PTPRD: variants seen among roughly 807,000 people sequenced by gnomAD.
The protein encoded by PTPRD is protein tyrosine phosphatase receptor type D, also known as receptor-type tyrosine-protein phosphatase delta.
A neutral mutation model predicts 214.5 loss-of-function variants in PTPRD; 34 were observed. The ratio of observed to expected loss-of-function variants is 0.16; its 90% confidence interval spans 0.12 to 0.21. The LOEUF is 0.21. PTPRD is among the 10% of genes least tolerant of loss of function. The probability of loss-of-function intolerance (pLI) is 1.00; values close to 1 mark genes in which losing one functional copy is unlikely to be tolerated. For missense variants in PTPRD, 2,545 were observed against 2,398.7 expected (o/e 1.06, Z -1.27); for synonymous variants, 1,128 against 845.7 (o/e 1.33, Z -5.79).
At chr9:10,320,619 T>C (rs906084154) in intron 3 of PTPRD, among the ~76,000 whole-genome samples, 4 of 152,120 alleles carry the variant, frequency 2.6e-5, no homozygotes, top group African/African-American at 4.8e-5. Flanking sequence ...TCTCATATTT[T>C]AATGACATCA....
At chr9:9,614,885 G>T (rs888004646) in intron 7 of PTPRD, among the ~76,000 whole-genome samples, 4 of 152,048 alleles carry the variant, frequency 2.6e-5, no homozygotes, top group African/African-American at 7.2e-5. Context: ...CCAATTTATT[G>T]CCTCAGCTCC....
intron 8 of PTPRD, among the ~76,000 whole-genome samples, chr9:9,485,921 G>C (rs1203335151): frequency 1.3e-5 from 2 of 152,008 alleles, no homozygotes; most frequent in Non-Finnish European, 2.9e-5. Flanking sequence ...GGGAGGCCAA[G>C]GCAGGTGGAT....
chr9:10,503,415 T>A (rs1036098198), intron 2 of PTPRD, among the ~76,000 whole-genome samples: 1 of 152,026 alleles, frequency 6.6e-6, no homozygotes, highest in Non-Finnish European at 1.5e-5. Flanking sequence ...CTACCAAAAA[T>A]ATTGAATAAT....
intron 7 of PTPRD, among the ~76,000 whole-genome samples, chr9:9,724,868 T>C (rs1157296167): frequency 3.3e-5 from 5 of 152,116 alleles, no homozygotes; most frequent in Non-Finnish European, 7.4e-5. Context: ...CTAGGCAAAC[T>C]AACTTCCAAA....
intron 8 of PTPRD, among the ~76,000 whole-genome samples, chr9:9,573,655 ACTTG>A (rs1237281630): frequency 1.3e-5 from 2 of 151,808 alleles, no homozygotes; most frequent in Non-Finnish European, 3.0e-5. Flanking sequence ...AAAAATAAGT[ACTTG>A]GGGATAAAAT....
intron 2 of PTPRD, among the ~76,000 whole-genome samples, chr9:10,416,266 G>C (rs1388705177): frequency 6.6e-6 from 1 of 151,910 alleles, no homozygotes; most frequent in Non-Finnish European, 1.5e-5. Context: ...GCTGAGGCAG[G>C]AGAATTGCTT....
chr9:8,520,383 G>A (rs1238090915), intron 20 of PTPRD, among the ~76,000 whole-genome samples: 3 of 151,926 alleles, frequency 2.0e-5, no homozygotes, highest in South Asian at 2.1e-4. Context: ...CAATTATAAC[G>A]TGTATTGCAT....
chr9:9,795,472 C>A (rs9919045), intron 5 of PTPRD, among the ~76,000 whole-genome samples: 20,319 of 151,800 alleles, frequency 0.13, 1,858 homozygotes, highest in Non-Finnish European at 0.2. Context: ...ATTTAAGGAA[C>A]CAAAAACAAG....
intron 8 of PTPRD, among the ~76,000 whole-genome samples, chr9:9,476,951 T>A (rs965487002): frequency 2.5e-4 from 38 of 151,976 alleles, no homozygotes; most frequent in Non-Finnish European, 1.0e-4. Context: ...GTCAGGGTAG[T>A]CTCGAACTCC....
At chr9:10,398,619 G>C (rs1031347965) in intron 2 of PTPRD, among the ~76,000 whole-genome samples, 1 of 151,874 alleles carries the variant, frequency 6.6e-6, no homozygotes, top group African/African-American at 2.4e-5. Flanking sequence ...CTTCCATAAT[G>C]CTTCTTATAA....
chr9:9,736,686 T>C (rs1160668630), intron 6 of PTPRD, among the ~76,000 whole-genome samples: 1 of 152,126 alleles, frequency 6.6e-6, no homozygotes, highest in Non-Finnish European at 1.5e-5. Flanking sequence ...ATTATCTTCA[T>C]AACAAATTTT....
intron 4 of PTPRD, among the ~76,000 whole-genome samples, chr9:9,971,550 A>T (rs2095103194): frequency 6.6e-6 from 1 of 152,200 alleles, no homozygotes; most frequent in South Asian, 2.1e-4. Context: ...CTTAGAAACT[A>T]ATGAGTTAGA....
intron 5 of PTPRD, among the ~76,000 whole-genome samples, chr9:9,775,541 T>C (rs541147219): frequency 6.6e-6 from 1 of 152,212 alleles, no homozygotes; most frequent in Non-Finnish European, 1.5e-5. Flanking sequence ...GAGTAGTAGA[T>C]AAAAGATTCA....
At chr9:10,497,871 A>G (rs2042545550) in intron 2 of PTPRD, among the ~76,000 whole-genome samples, 2 of 152,164 alleles carry the variant, frequency 1.3e-5, no homozygotes. Flanking sequence ...AACAGTATTA[A>G]TAGTAAACAA....
chr9:8,541,521 T>C (rs2078413072), intron 14 of PTPRD, among the ~76,000 whole-genome samples: 1 of 152,270 alleles, frequency 6.6e-6, no homozygotes, highest in African/African-American at 2.4e-5. Context: ...CATACCACCA[T>C]ACCCGTCTTT....
At chr9:9,990,698 G>T (rs900348410) in intron 4 of PTPRD, among the ~76,000 whole-genome samples, 4 of 152,198 alleles carry the variant, frequency 2.6e-5, no homozygotes, top group African/African-American at 9.6e-5. Context: ...CAGCCCTGTT[G>T]CATTGATTTT....
intron 11 of PTPRD, among the ~76,000 whole-genome samples, chr9:8,893,493 C>G (rs2098561390): frequency 1.3e-5 from 2 of 152,316 alleles, no homozygotes; most frequent in Admixed American, 1.3e-4. Context: ...ATTTCACTCT[C>G]AGAAAATTGA....
intron 3 of PTPRD, among the ~76,000 whole-genome samples, chr9:10,325,990 T>C (rs1352803440): frequency 1.3e-5 from 2 of 151,856 alleles, no homozygotes; most frequent in Non-Finnish European, 2.9e-5. Flanking sequence ...TTGAGAAATA[T>C]ATCTGAGCAA....
chr9:9,120,874 C>T (rs1486161407), intron 10 of PTPRD, among the ~76,000 whole-genome samples: 2 of 152,214 alleles, frequency 1.3e-5, no homozygotes, highest in African/African-American at 4.8e-5. Flanking sequence ...CTGTTAGAAA[C>T]TCTTCCTTGC....
Sources: gnomAD v4.1 joint callset for allele counts (sites outside exome capture counted in the v4.1 genomes callset) on GRCh38, gnomAD v4.1.1 for gene constraint, MANE v1.5 for transcripts, NCBI Gene and HGNC (gene_info 2026-07-23, HGNC 2026-07-21) for gene names.